CACNA1S: variants seen among roughly 807,000 people sequenced by gnomAD.
CACNA1S encodes the protein voltage-dependent L-type calcium channel subunit alpha-1S.
CACNA1S carries 126 observed loss-of-function variants against 207.4 expected under a neutral mutation model. The ratio of observed to expected loss-of-function variants is 0.61; its 90% CI spans 0.53 to 0.70. CACNA1S has a LOEUF of 0.70. CACNA1S is among the 30% of genes least tolerant of loss of function. The pLI, the probability that CACNA1S is intolerant of heterozygous loss-of-function variation, is 0.00. For missense variants in CACNA1S, 2,349 were observed against 2,422.8 expected (o/e 0.97, Z 0.64); for synonymous variants, 960 against 932.7 (o/e 1.03, Z -0.53).
rs186750215 is a variant in CACNA1S, at chr1:201,060,605, C to A, written c.3414+53G>T. The A allele has an allele frequency of 2.7e-4, 434 of 1,606,424 alleles. No homozygotes were observed. The African/African-American group carries it at 5.1e-3, about 19-fold the overall frequency. On this transcript the variant is annotated intron_variant, in intron 26 of 43. Transcript: ENST00000362061. ...TCCTGCCCTACTCATCCTGCCCTAC[C>A]CAAGGCCCAGGTCCCAGTCTGATCA... is the stretch of plus-strand genomic sequence containing the variant.
intron 38 of CACNA1S, among the ~76,000 whole-genome samples, chr1:201,046,146 T>C (rs1379316899): frequency 1.3e-5 from 2 of 148,464 alleles, no homozygotes; most frequent in Non-Finnish European, 3.0e-5. Context: ...TCACACCCAA[T>C]GGGACATATT....
chr1:201,047,744 T>C, intron 36 of CACNA1S, 118 bp from the exon 37 acceptor site: 1 of 756,346 alleles, frequency 1.3e-6, no homozygotes, highest in Non-Finnish European at 2.4e-6. Context: ...ATTGGCTGAG[T>C]TTTGTGGCAG....
rs528783002 is a variant in CACNA1S, at chr1:201,056,070, G to GACAGACACACAC, written c.3610-1510_3610-1509insGTGTGTGTCTGT. On this transcript the variant is annotated intron_variant, in intron 28 of 43. Coordinates refer to ENST00000362061, the MANE Select transcript of CACNA1S (RefSeq NM_000069.3). ...ACACACACAGACAGACAGACAGACA[G>GACAGACACACAC]ACACACACACACACACACACACACA... is the stretch of plus-strand genomic sequence containing the variant. Among the ~76,000 whole-genome samples, 63 of 94,910 alleles carry GACAGACACACAC rather than the reference G, an allele frequency of 6.6e-4. 1 individual carries two copies. The highest frequency in any genetic ancestry group is 9.1e-4 in the East Asian group (3 of 3,312). 62.3% of individuals were successfully genotyped at this position (94,910 alleles called of 152,430 possible). A position where few individuals can be genotyped will look rare whatever the true frequency, so the allele number is the denominator to read the frequency against.
chr1:201,084,996 C>G lies in CACNA1S; in HGVS notation c.1186G>C (p.Glu396Gln). 6.2e-7 allele frequency: 1 copy of G among 1,612,614 alleles called. No homozygotes were observed. Among genetic ancestry groups the G allele is most frequent in the Non-Finnish European group, 8.5e-7 (1 of 1,179,878 alleles). Reference protein sequence around the residue: ...LSLDEGGSDTESLYEIAGLNK... With the variant: ...LSLDEGGSDTQSLYEIAGLNK... ...AAGCCTGCAATTTCATACAGGCTCT[C>G]TGTGTCAGAGCCACCTTCATCCAAA... is the stretch of plus-strand genomic sequence containing the variant. Residue 396 changes from glutamate (E) to glutamine (Q), a missense_variant, in exon 9 of 44, where the codon GAG becomes CAG. Physicochemically the swap from Glu to Gln is conservative, Grantham distance 29 (BLOSUM62 2). Transcript: ENST00000362061.
At chr1:201,045,963 C>A (rs546198427) in intron 38 of CACNA1S, among the ~76,000 whole-genome samples, 9 of 150,850 alleles carry the variant, frequency 6.0e-5, no homozygotes, top group African/African-American at 2.0e-4. Context: ...ATACTTGCAA[C>A]TTTTTAAAAG....
Position 201,043,499 on chromosome 1 carries a change from G to C in CACNA1S, c.4830C>G (p.Asn1610Lys). 6.2e-7 allele frequency: 1 copy of C among 1,614,026 alleles called. No homozygotes were observed. The highest frequency in any genetic ancestry group is 8.5e-7 in the Non-Finnish European group (1 of 1,179,996). ...RTGGLFGQVD[N>K]FLERTNSLPP... is the part of the protein sequence containing the mutation. ...GCAGGGAGTTGGTCCTTTCCAGGAAGTTGTCCACCTGGCCAAACAGGCCTC... is the reference window on the plus strand; with the variant it reads ...GCAGGGAGTTGGTCCTTTCCAGGAACTTGTCCACCTGGCCAAACAGGCCTC... Residue 1610 changes from asparagine to lysine, a missense_variant, in exon 40 of 44, where the codon AAC becomes AAG. Coordinates refer to ENST00000362061, the MANE Select transcript of CACNA1S (RefSeq NM_000069.3).
intron 25 of CACNA1S, 67 bp from the exon 26 acceptor site, chr1:201,060,883 C>T: frequency 6.3e-7 from 1 of 1,595,734 alleles, no homozygotes; most frequent in Non-Finnish European, 8.6e-7. Context: ...CACCCACATC[C>T]ATGGGATTGA....
At chr1:201,105,310 A>G (rs1324749895) in intron 2 of CACNA1S, among the ~76,000 whole-genome samples, 4 of 152,220 alleles carry the variant, frequency 2.6e-5, no homozygotes, top group Non-Finnish European at 4.4e-5. Context: ...TGGGGCCTGC[A>G]TGATCAAAGT....
chr1:201,067,107 T>A, intron 19 of CACNA1S, 114 bp from the exon 20 acceptor site: 1 of 731,044 alleles, frequency 1.4e-6, no homozygotes, highest in Non-Finnish European at 2.5e-6. Context: ...GCAATAGCCT[T>A]CCAGAAATCT....
At chr1:201,083,843 T>C (rs1165917751) in intron 9 of CACNA1S, among the ~76,000 whole-genome samples, 4 of 152,184 alleles carry the variant, frequency 2.6e-5, no homozygotes, top group Non-Finnish European at 5.9e-5. Flanking sequence ...GGACTTGAAC[T>C]CTTGTGCTCA....
chr1:201,100,122 A>G (rs1327163846), intron 2 of CACNA1S, among the ~76,000 whole-genome samples: 2 of 152,274 alleles, frequency 1.3e-5, no homozygotes, highest in African/African-American at 4.8e-5. Flanking sequence ...ATCCCTCTCC[A>G]TCCCAGAGGG....
intron 1 of CACNA1S, among the ~76,000 whole-genome samples, chr1:201,110,971 G>C (rs1051708521): frequency 2.0e-5 from 3 of 152,200 alleles, no homozygotes; most frequent in Admixed American, 6.5e-5. Flanking sequence ...GGTGGATGGG[G>C]AGGCATATTA....
intron 16 of CACNA1S, among the ~76,000 whole-genome samples, chr1:201,071,642 A>T (rs2102134294): frequency 6.6e-6 from 1 of 151,692 alleles, no homozygotes; most frequent in African/African-American, 2.4e-5. Flanking sequence ...TCCTCTCCTT[A>T]CTTCTTTCCA....
At position 201,092,227 on chromosome 1, in the gene CACNA1S, G is replaced by A. The variant is rs1662260071; in HGVS notation, c.399-113C>T. On this transcript the variant is annotated intron_variant, in intron 3 of 43. Transcript: ENST00000362061. Reference sequence around the variant, plus strand: ...TGAGCACCTGTGGAAAGGCCTAGGGGAGAGACGGCAAATACGGGTGCATCA... The same window carrying A: ...TGAGCACCTGTGGAAAGGCCTAGGGAAGAGACGGCAAATACGGGTGCATCA... The A allele has an allele frequency of 7.0e-6, 8 of 1,134,864 alleles. No individual in the cohort carries two copies. The South Asian group carries it at 1.0e-4, about 15-fold the overall frequency. The allele number at this position is 1,134,864 out of a possible 1,614,324, so 70.3% of individuals were successfully genotyped here. A position where few individuals can be genotyped will look rare whatever the true frequency, so the allele number is the denominator to read the frequency against.
In CACNA1S at chr1:201,069,582, G is replaced by C. The variant is rs373328930; in HGVS notation, c.2380C>G (p.Arg794Gly). The C allele has an allele frequency of 2.6e-6, 4 of 1,558,844 alleles. No homozygotes were observed. The highest frequency in any genetic ancestry group is 3.5e-6 in the Non-Finnish European group (4 of 1,150,456). Residue 794 changes from arginine (R) to glycine (G), a missense_variant, in exon 18 of 44, where the codon CGC becomes GGC. Transcript: ENST00000362061. ...PTNKIRVLCH[R>G]IVNATWFTNF... Reference sequence around the variant, plus strand: ...GTAAACCAGGTGGCATTGACGATGCGGTGACACAGGACACGGATCCTGGTG... The same window carrying C: ...GTAAACCAGGTGGCATTGACGATGCCGTGACACAGGACACGGATCCTGGTG...
intron 28 of CACNA1S, among the ~76,000 whole-genome samples, chr1:201,055,223 T>C (rs1660798430): frequency 6.6e-6 from 1 of 152,208 alleles, no homozygotes; most frequent in Non-Finnish European, 1.5e-5. Context: ...AAGAAGTCAT[T>C]GTTTTATCTT....
At chr1:201,082,817 A>T (rs1018888061) in intron 10 of CACNA1S, among the ~76,000 whole-genome samples, 2 of 152,160 alleles carry the variant, frequency 1.3e-5, no homozygotes, top group South Asian at 4.1e-4. Flanking sequence ...TAGAGTTCCA[A>T]ATTACTAGCA....
intron 9 of CACNA1S, 26 bp downstream of exon 9, chr1:201,084,924 T>A (rs765690787): frequency 9.0e-6 from 14 of 1,548,148 alleles, no homozygotes; most frequent in Non-Finnish European, 1.2e-5. Context: ...GGTTGGGGGT[T>A]CCTGGGGCAG....
At chr1:201,069,376 T>C (rs1661368470) in intron 18 of CACNA1S, 96 bp downstream of exon 18, 8 of 1,544,790 alleles carry the variant, frequency 5.2e-6, no homozygotes, top group Non-Finnish European at 6.2e-6. Context: ...ACTCTGATGC[T>C]TGTAGCCACA....
Sources: gnomAD v4.1 joint callset for allele counts (sites outside exome capture counted in the v4.1 genomes callset) on GRCh38, gnomAD v4.1.1 for gene constraint, MANE v1.5 for transcripts, NCBI Gene and HGNC (gene_info 2026-07-23, HGNC 2026-07-21) for gene names.